Variants in SSBP3 observed in about 807,000 individuals in gnomAD.
SSBP3 encodes the protein single stranded DNA binding protein 3.
In SSBP3, 5 loss-of-function variants were observed where a neutral mutation model predicts 69.6. The ratio of observed to expected loss-of-function variants is 0.07; its 90% CI spans 0.04 to 0.15. The LOEUF (loss-of-function observed/expected upper bound fraction) is 0.15, where lower values mean the gene tolerates loss of function less well. Ranked by LOEUF, SSBP3 falls within the 10% of genes least tolerant of loss-of-function variation. SSBP3 has a pLI of 1.00. For synonymous variants in SSBP3, 196 were observed against 193.4 expected (o/e 1.01, Z -0.11); for missense variants, 312 against 534.0 (o/e 0.58, Z 4.10).
At chr1:54,348,482 AC>A (rs1215245477) in intron 4 of SSBP3, among the ~76,000 whole-genome samples, 1 of 152,104 alleles carries the variant, frequency 6.6e-6, no homozygotes, top group African/African-American at 2.4e-5. Context: ...AACAGGTGAC[AC>A]CCAGAGCACT....
At chr1:54,261,354 G>A (rs1645014851) in intron 5 of SSBP3, among the ~76,000 whole-genome samples, 1 of 152,252 alleles carries the variant, frequency 6.6e-6, no homozygotes, top group Non-Finnish European at 1.5e-5. Context: ...TCCACAGGTA[G>A]GTTTGAAGAA....
At chr1:54,256,555 T>C (rs1365480800) in intron 7 of SSBP3, among the ~76,000 whole-genome samples, 1 of 152,142 alleles carries the variant, frequency 6.6e-6, no homozygotes, top group East Asian at 1.9e-4. Context: ...CCTTTTCTAA[T>C]TACACGAACA....
At position 54,375,281 on chromosome 1, in the gene SSBP3, G is replaced by A. The variant is rs141099605; in HGVS notation, c.276+26580C>T. 5.6e-4 allele frequency among the ~76,000 whole-genome samples: 86 copies of A among 152,328 alleles called. 1 individual carries two copies. In the East Asian group the frequency reaches 0.014, roughly 24 times the overall value. On this transcript the variant is annotated intron_variant, in intron 4 of 17. Transcript: ENST00000610401. ...AAGGATCAGATAGAAAAGCCCACAC[G>A]TGGATGACAAACCACCTAGGGGAAT...
chr1:54,267,097 A>G (rs1645115442), intron 5 of SSBP3, among the ~76,000 whole-genome samples: 1 of 152,200 alleles, frequency 6.6e-6, no homozygotes, highest in Admixed American at 6.5e-5. Context: ...GTGAATTCAC[A>G]AAGAATTAGA....
intron 4 of SSBP3, among the ~76,000 whole-genome samples, chr1:54,322,539 G>A (rs1043230591): frequency 1.3e-5 from 2 of 151,930 alleles, no homozygotes; most frequent in African/African-American, 4.8e-5. Flanking sequence ...ATAAACTCAA[G>A]ATGACACCTA....
chr1:54,278,140 C>T (rs1353703855), intron 5 of SSBP3, among the ~76,000 whole-genome samples: 1 of 152,152 alleles, frequency 6.6e-6, no homozygotes, highest in Non-Finnish European at 1.5e-5. Context: ...CTGCAAAACA[C>T]CAGAACACCA....
At chr1:54,386,660 C>T (rs989483257) in intron 4 of SSBP3, among the ~76,000 whole-genome samples, 2 of 131,084 alleles carry the variant, frequency 1.5e-5, no homozygotes, top group Non-Finnish European at 3.2e-5. Flanking sequence ...TAGCTTCAAT[C>T]CACAATGTAT....
intron 5 of SSBP3, among the ~76,000 whole-genome samples, chr1:54,279,330 C>T (rs1375429250): frequency 1.3e-5 from 2 of 152,204 alleles, no homozygotes; most frequent in African/African-American, 2.4e-5. Flanking sequence ...ACACCCCAAA[C>T]GTCACAGGGG....
chr1:54,391,666 T>G (rs1648505584), intron 4 of SSBP3, among the ~76,000 whole-genome samples: 1 of 152,090 alleles, frequency 6.6e-6, no homozygotes, highest in East Asian at 1.9e-4. Flanking sequence ...GAAACAGAAG[T>G]GAAATGTCAG....
intron 4 of SSBP3, among the ~76,000 whole-genome samples, chr1:54,291,080 C>A (rs114296094): frequency 0.015 from 2,225 of 152,298 alleles, 18 homozygotes; most frequent in Non-Finnish European, 0.024. Context: ...CCCGCGCACA[C>A]GCTCAGTTCC....
At chr1:54,275,465 G>T (rs1645268081) in intron 5 of SSBP3, among the ~76,000 whole-genome samples, 1 of 152,232 alleles carries the variant, frequency 6.6e-6, no homozygotes, top group Non-Finnish European at 1.5e-5. Context: ...CCCTCTGCTG[G>T]CTCCTGCTTC....
chr1:54,314,007 A>G (rs1039415891), intron 4 of SSBP3, among the ~76,000 whole-genome samples: 1 of 151,978 alleles, frequency 6.6e-6, no homozygotes, highest in Non-Finnish European at 1.5e-5. Context: ...CAGGTGATCC[A>G]CCCGCCTCGG....
intron 4 of SSBP3, among the ~76,000 whole-genome samples, chr1:54,305,410 C>T (rs1645880936): frequency 6.6e-6 from 1 of 152,062 alleles, no homozygotes; most frequent in African/African-American, 2.4e-5. Context: ...TGAGGAAATA[C>T]CAACTTAGAT....
Position 54,299,371 on chromosome 1 carries a change from C to T in SSBP3, c.277-17844G>A, listed in dbSNP as rs533349783. 9.2e-5 allele frequency among the ~76,000 whole-genome samples: 14 copies of T among 152,268 alleles called. No individual in the cohort carries two copies. The South Asian group carries it at 2.9e-3, about 32-fold the overall frequency. Reference sequence around the variant, plus strand: ...TGCTAGCACACCTCAGGCACTGGTCCGATGTTCCCCTACCCTCTGCCATTT... The same window carrying T: ...TGCTAGCACACCTCAGGCACTGGTCTGATGTTCCCCTACCCTCTGCCATTT... On this transcript the variant is annotated intron_variant, in intron 4 of 17. Transcript: ENST00000610401.
At position 54,239,119 on chromosome 1, in the gene SSBP3, G is replaced by A. The variant is rs754019495; in HGVS notation, c.927+10C>T. 1 of 1,610,644 alleles carries A rather than the reference G, an allele frequency of 6.2e-7. No individual in the cohort carries two copies. The highest frequency in any genetic ancestry group is 8.5e-7 in the Non-Finnish European group (1 of 1,176,950). ...TGTCTGATATGTAAATTATTAGAAA[G>A]CAGACTTACGTTGGACCGGCTGCCT... On this transcript the variant is annotated intron_variant, in intron 14 of 17. Coordinates refer to ENST00000610401, the Ensembl canonical transcript of SSBP3.
chr1:54,268,158 TG>T (rs1645133586), intron 5 of SSBP3, among the ~76,000 whole-genome samples: 1 of 152,214 alleles, frequency 6.6e-6, no homozygotes, highest in African/African-American at 2.4e-5. Flanking sequence ...GAGGAAGAGA[TG>T]GGCCCGGGAT....
At chr1:54,254,855 C>T (rs549230658) in intron 7 of SSBP3, among the ~76,000 whole-genome samples, 1 of 151,744 alleles carries the variant, frequency 6.6e-6, no homozygotes, top group African/African-American at 2.4e-5. Flanking sequence ...TTTTTTGAGG[C>T]GGAGTCTCGC....
chr1:54,280,499 T>C (rs1165052329), intron 5 of SSBP3, among the ~76,000 whole-genome samples: 1 of 152,210 alleles, frequency 6.6e-6, no homozygotes, highest in South Asian at 2.1e-4. Flanking sequence ...GCTCTTTCCA[T>C]GTTCTTATCT....
intron 9 of SSBP3, among the ~76,000 whole-genome samples, chr1:54,247,582 T>A (rs1644755927): frequency 6.6e-6 from 1 of 152,182 alleles, no homozygotes; most frequent in South Asian, 2.1e-4. Context: ...GGCATAGGAT[T>A]GTCCCAGGGG....
Sources: allele counts gnomAD v4.1 joint callset (sites outside exome capture counted in the v4.1 genomes callset), GRCh38; gene constraint gnomAD v4.1.1; transcripts MANE v1.5; gene names NCBI Gene and HGNC (gene_info 2026-07-23, HGNC 2026-07-21).